RUNX1T1: variants seen among roughly 807,000 people sequenced by gnomAD.
RUNX1T1 encodes the protein RUNX1 partner transcriptional co-repressor 1.
Under a neutral mutation model 62.8 loss-of-function variants are expected in RUNX1T1, and 4 were observed. The ratio of observed to expected loss-of-function variants is 0.06; its 90% CI spans 0.03 to 0.15. The LOEUF is 0.15. Ranked by LOEUF, RUNX1T1 falls within the 10% of genes least tolerant of loss-of-function variation. The pLI is 1.00. For missense variants in RUNX1T1, 508 were observed against 754.3 expected (o/e 0.67, Z 3.82); for synonymous variants, 291 against 286.0 (o/e 1.02, Z -0.18).
intron 1 of RUNX1T1, among the ~76,000 whole-genome samples, chr8:92,027,102 C>T (rs1249245959): frequency 5.4e-5 from 7 of 128,584 alleles, no homozygotes; most frequent in African/African-American, 1.2e-4. Context: ...GGCGACAGAG[C>T]GAAACTCCGT....
rs892153930 is a variant in RUNX1T1, at chr8:92,028,083, G to C, written c.8-10720C>G. Among the ~76,000 whole-genome samples, 82 of 98,390 alleles carry C rather than the reference G, an allele frequency of 8.3e-4. 2 individuals are homozygous for C. Among genetic ancestry groups the C allele is most frequent in the East Asian group, 3.8e-4 (1 of 2,610 alleles). The allele number at this position is 98,390 out of a possible 152,430, so 64.5% of individuals were successfully genotyped here. A position where few individuals can be genotyped will look rare whatever the true frequency, so the allele number is the denominator to read the frequency against. ...ACAGACGGATGGAATAAATGGGGGG[G>C]GGGGTGGGAAGGAAGGAGGGAAAGA... is the stretch of plus-strand genomic sequence containing the variant. On this transcript the variant is annotated intron_variant, in intron 1 of 10. Coordinates refer to ENST00000396218, the Ensembl canonical transcript of RUNX1T1.
intron 1 of RUNX1T1, chr8:92,095,656 A>G: frequency 9.3e-7 from 1 of 1,076,870 alleles, no homozygotes; most frequent in Non-Finnish European, 1.2e-6. Context: ...GCAGGAGGGA[A>G]GGAGAGACAC....
intron 9 of RUNX1T1, among the ~76,000 whole-genome samples, chr8:91,975,582 G>A (rs1813745956): frequency 6.6e-6 from 1 of 150,522 alleles, no homozygotes; most frequent in African/African-American, 2.4e-5. Flanking sequence ...ATGCATGCAA[G>A]CTAAGACCTC....
At chr8:92,071,726 C>T (rs1049976844) in intron 2 of RUNX1T1, among the ~76,000 whole-genome samples, 2 of 152,128 alleles carry the variant, frequency 1.3e-5, no homozygotes, top group African/African-American at 2.4e-5. Context: ...GGTTTTCACA[C>T]ACTCCCAGCC....
In RUNX1T1 at chr8:92,062,609, C is replaced by T. The variant is rs372308867; in HGVS notation, c.-57G>A. On this transcript the variant is annotated 5_prime_UTR_variant, in exon 1 of 11. Transcript: ENST00000396218. Reference sequence around the variant, plus strand: ...CTGTCTCCTAAAAGCAAGCGCGTTCCGGGCTCATGCCTCCTGTTCTGGAAT... The same window carrying T: ...CTGTCTCCTAAAAGCAAGCGCGTTCTGGGCTCATGCCTCCTGTTCTGGAAT... 46 of 1,613,930 alleles carry T rather than the reference C, an allele frequency of 2.9e-5. 1 individual carries two copies. Among genetic ancestry groups the T allele is most frequent in the Non-Finnish European group, 3.4e-5 (40 of 1,179,912 alleles).
chr8:91,957,043 GAGAA>G (rs894426499), downstream of RUNX1T1: 32 of 216,134 alleles, frequency 1.5e-4, no homozygotes, highest in Admixed American at 1.4e-3. Flanking sequence ...CAGAGAAAAA[GAGAA>G]AGAGAAAAGA....
At chr8:91,957,160 C>T (rs1809520005), downstream of RUNX1T1, 1 of 213,246 alleles carries the variant, frequency 4.7e-6, no homozygotes, top group Non-Finnish European at 9.5e-6. Flanking sequence ...GTTATACCTA[C>T]AAATTATATT....
At chr8:92,019,077 G>C (rs540495720) in intron 1 of RUNX1T1, 1 of 152,222 alleles carries the variant, frequency 6.6e-6, no homozygotes, top group Admixed American at 6.5e-5. Context: ...AAGTTAGGCA[G>C]GCTTAAAACC....
chr8:92,039,873 G>C (rs1252385466), intron 1 of RUNX1T1, among the ~76,000 whole-genome samples: 1 of 151,834 alleles, frequency 6.6e-6, no homozygotes, highest in Non-Finnish European at 1.5e-5. Flanking sequence ...TTCCCTTCTT[G>C]CTCATTGACA....
intron 1 of RUNX1T1, among the ~76,000 whole-genome samples, chr8:92,060,810 A>G (rs1587397403): frequency 6.6e-6 from 1 of 152,236 alleles, no homozygotes; most frequent in African/African-American, 2.4e-5. Flanking sequence ...ATGGGTGTCA[A>G]AAATAGCCAA....
intron 9 of RUNX1T1, among the ~76,000 whole-genome samples, chr8:91,975,487 T>C (rs2130693210): frequency 6.8e-6 from 1 of 147,270 alleles, no homozygotes; most frequent in Non-Finnish European, 1.5e-5. Flanking sequence ...TTGGTTTCGT[T>C]TTTTTTTTTT....
chr8:92,033,572 C>G (rs1826666787), intron 1 of RUNX1T1, among the ~76,000 whole-genome samples: 1 of 152,132 alleles, frequency 6.6e-6, no homozygotes, highest in African/African-American at 2.4e-5. Context: ...ATCACTTGAG[C>G]CCAGGAGTTC....
intron 8 of RUNX1T1, among the ~76,000 whole-genome samples, chr8:91,978,226 T>C (rs1188573494): frequency 6.6e-6 from 1 of 152,192 alleles, no homozygotes; most frequent in Admixed American, 6.5e-5. Context: ...TAGCACCCAG[T>C]GAAGCTAGCT....
At chr8:92,062,863 A>C (rs1207004948) in exon 1 of RUNX1T1, 9 of 1,391,326 alleles carry the variant, frequency 6.5e-6, no homozygotes, top group Non-Finnish European at 8.4e-6. Context: ...CACAACCCCT[A>C]CCCTCCCCTT....
chr8:92,082,293 G>A (rs1332601400), intron 1 of RUNX1T1, among the ~76,000 whole-genome samples: 1 of 152,140 alleles, frequency 6.6e-6, no homozygotes, highest in African/African-American at 2.4e-5. Context: ...TAATTAGTGT[G>A]GCTGACCCTG....
chr8:92,004,333 T>C (rs1218912322), intron 5 of RUNX1T1: 1 of 152,250 alleles, frequency 6.6e-6, no homozygotes, highest in Non-Finnish European at 1.5e-5. Context: ...CTATGCAAAA[T>C]GATGCTAATA....
chr8:92,088,796 A>G (rs1836533308), intron 1 of RUNX1T1, among the ~76,000 whole-genome samples: 2 of 152,140 alleles, frequency 1.3e-5, no homozygotes, highest in African/African-American at 2.4e-5. Flanking sequence ...CCTTCATATT[A>G]TCGGTGGCCA....
chr8:92,097,587 A>C (rs1274992076), intron 1 of RUNX1T1, among the ~76,000 whole-genome samples: 1 of 152,194 alleles, frequency 6.6e-6, no homozygotes. Flanking sequence ...TGATTTTTCC[A>C]TTACATGCTC....
intron 1 of RUNX1T1, among the ~76,000 whole-genome samples, chr8:92,048,097 G>A (rs1829694219): frequency 6.6e-6 from 1 of 152,138 alleles, no homozygotes; most frequent in African/African-American, 2.4e-5. Flanking sequence ...CAAACGTTTA[G>A]CTCACCAAAT....
Sources: allele counts gnomAD v4.1 joint callset (sites outside exome capture counted in the v4.1 genomes callset), GRCh38; gene constraint gnomAD v4.1.1; transcripts MANE v1.5; gene names NCBI Gene and HGNC (gene_info 2026-07-23, HGNC 2026-07-21).